Variants in FBXL2 observed in about 807,000 individuals in gnomAD.
The protein encoded by FBXL2 is F-box and leucine rich repeat protein 2.
A neutral mutation model predicts 69.2 loss-of-function variants in FBXL2; 38 were observed. The ratio of observed to expected loss-of-function variants is 0.55; its 90% CI spans 0.42 to 0.72. The LOEUF is 0.72. Among genes scored for constraint, FBXL2 ranks in the 30% least tolerant of loss-of-function variants. The pLI is 0.00. For missense variants in FBXL2, 354 were observed against 520.3 expected (o/e 0.68, Z 3.11); for synonymous variants, 192 against 201.3 (o/e 0.95, Z 0.39).
chr3:33,303,062 G>A, intron 2 of FBXL2: 1 of 456,622 alleles, frequency 2.2e-6, no homozygotes, highest in Non-Finnish European at 4.4e-6. Context: ...GTTGCCTGCT[G>A]GTTGGTTTCA....
chr3:33,390,221 T>C, downstream of FBXL2: 1 of 1,125,076 alleles, frequency 8.9e-7, no homozygotes, highest in Non-Finnish European at 1.3e-6. Flanking sequence ...GTTTTCAATA[T>C]GAAACATTTC....
At chr3:33,282,465 T>G (rs2034128785) in intron 1 of FBXL2, among the ~76,000 whole-genome samples, 1 of 152,228 alleles carries the variant, frequency 6.6e-6, no homozygotes, top group African/African-American at 2.4e-5. Flanking sequence ...TAGTATAGTT[T>G]GAAGTCAGGT....
intron 1 of FBXL2, among the ~76,000 whole-genome samples, chr3:33,297,205 T>C (rs1396681544): frequency 2.0e-5 from 3 of 152,220 alleles, no homozygotes; most frequent in Non-Finnish European, 4.4e-5. Context: ...TGTTCATTGC[T>C]ACTATGTGGA....
intron 2 of FBXL2, among the ~76,000 whole-genome samples, chr3:33,306,585 C>T (rs2036739011): frequency 6.6e-6 from 1 of 152,162 alleles, no homozygotes; most frequent in Non-Finnish European, 1.5e-5. Context: ...TCTTTCTCTT[C>T]CATACATTTG....
chr3:33,277,617 C>A (rs958734123), intron 1 of FBXL2, 102 bp downstream of exon 1: 3 of 1,162,464 alleles, frequency 2.6e-6, no homozygotes, highest in Non-Finnish European at 3.3e-6. Context: ...GCGCAGGGGT[C>A]GTGGAGAGGC....
intron 12 of FBXL2, chr3:33,393,186 C>G: frequency 9.6e-7 from 1 of 1,039,308 alleles, no homozygotes; most frequent in South Asian, 2.1e-5. Context: ...AAGTGATTCC[C>G]AACTCTCTGA....
At chr3:33,416,552 T>C in the FBXL2 span, among the ~76,000 whole-genome samples, 1 of 152,238 alleles carries the variant, frequency 6.6e-6, no homozygotes, top group Non-Finnish European at 1.5e-5. Context: ...ACTTTTCTAT[T>C]GCTCCTTGAT....
At chr3:33,354,826 G>A (rs1265096803) in intron 2 of FBXL2, among the ~76,000 whole-genome samples, 1 of 152,166 alleles carries the variant, frequency 6.6e-6, no homozygotes, top group Non-Finnish European at 1.5e-5. Flanking sequence ...TTATTCACTG[G>A]TGAATTGATA....
intron 2 of FBXL2, among the ~76,000 whole-genome samples, chr3:33,333,427 A>G (rs1167472398): frequency 2.0e-5 from 3 of 152,214 alleles, no homozygotes; most frequent in Non-Finnish European, 2.9e-5. Flanking sequence ...CATAAAATAG[A>G]ACTTAAGATA....
intron 2 of FBXL2, 99 bp from the exon 3 acceptor site, chr3:33,358,868 T>G: frequency 1.6e-6 from 1 of 624,594 alleles, no homozygotes; most frequent in Non-Finnish European, 2.6e-6. Flanking sequence ...TGAAAAAACT[T>G]ATGTATCCAG....
intron 1 of FBXL2, among the ~76,000 whole-genome samples, chr3:33,277,957 T>G (rs886853299): frequency 2.6e-5 from 4 of 152,230 alleles, no homozygotes; most frequent in African/African-American, 9.6e-5. Context: ...GTAACTAATA[T>G]AAGACATATA....
intron 2 of FBXL2, among the ~76,000 whole-genome samples, chr3:33,300,892 T>C (rs189444580): frequency 0.021 from 3,187 of 151,870 alleles, 57 homozygotes; most frequent in Admixed American, 0.06. Flanking sequence ...TTTTTTTGTA[T>C]TTTTAGTAGA....
At chr3:33,398,550 A>C (rs1274784155) in intron 12 of FBXL2, 1 of 152,440 alleles carries the variant, frequency 6.6e-6, no homozygotes, top group Non-Finnish European at 1.5e-5. Context: ...GGATCAGAGC[A>C]AGAAGACTCA....
At chr3:33,278,944 A>C (rs1226599308) in intron 1 of FBXL2, among the ~76,000 whole-genome samples, 1 of 152,214 alleles carries the variant, frequency 6.6e-6, no homozygotes, top group African/African-American at 2.4e-5. Context: ...AGCTCTCTGA[A>C]GTCTCATATT....
At chr3:33,392,607 T>C, downstream of FBXL2, 1 of 1,612,074 alleles carries the variant, frequency 6.2e-7, no homozygotes, top group Non-Finnish European at 8.5e-7. Flanking sequence ...TTGAAAATTC[T>C]GAACCATCTG....
chr3:33,389,148 A>C (rs1171391373), downstream of FBXL2: 1 of 152,664 alleles, frequency 6.6e-6, no homozygotes, highest in African/African-American at 2.4e-5. Flanking sequence ...CTAGCAGACA[A>C]GCATTTGGTT....
intron 2 of FBXL2, among the ~76,000 whole-genome samples, chr3:33,356,013 T>C (rs1228771741): frequency 6.6e-6 from 1 of 152,166 alleles, no homozygotes; most frequent in Non-Finnish European, 1.5e-5. Flanking sequence ...GTAAATACTT[T>C]AGGCAATCTA....
At position 33,330,914 on chromosome 3, in the gene FBXL2, AAC is replaced by A. The variant is rs112591010; in HGVS notation, c.66-28037_66-28036del. Among the ~76,000 whole-genome samples the A allele has an allele frequency of 6.3e-3, 938 of 149,202 alleles. 10 individuals carry two copies. Among genetic ancestry groups the A allele is most frequent in the African/African-American group, 0.021 (860 of 40,634 alleles). ...ACACACACAAACACACACACACACA[AAC>A]ACACACACACACACAAATATATCTA... On this transcript the variant is annotated intron_variant, in intron 2 of 14. Transcript: ENST00000484457.
chr3:33,418,860 CAAAAAAAAAAAAAA>C, the FBXL2 span, among the ~76,000 whole-genome samples: 2 of 76,768 alleles, frequency 2.6e-5, no homozygotes, highest in African/African-American at 5.0e-5. Context: ...ACTCTGTCTC[CAAAAAAAAAAAAAA>C]AAAAAAAAAA....
Sources: allele counts gnomAD v4.1 joint callset (sites outside exome capture counted in the v4.1 genomes callset), GRCh38; gene constraint gnomAD v4.1.1; transcripts MANE v1.5; gene names NCBI Gene and HGNC (gene_info 2026-07-23, HGNC 2026-07-21).